Variants in RAB38 observed in about 807,000 individuals in gnomAD.
The protein encoded by RAB38 is ras-related protein Rab-38.
In RAB38, 15 loss-of-function variants were observed where a neutral mutation model predicts 18.4. That is an observed-to-expected ratio of 0.82 (90% CI 0.55 to 1.26). The LOEUF (loss-of-function observed/expected upper bound fraction) is 1.26, where lower values mean the gene tolerates loss of function less well. Among genes scored for constraint, RAB38 ranks in the 50% most tolerant of loss-of-function variants. The probability of loss-of-function intolerance (pLI) is 0.00; values close to 1 mark genes in which losing one functional copy is unlikely to be tolerated. For missense variants in RAB38, 294 were observed against 267.4 expected (o/e 1.10, Z -0.69); for synonymous variants, 101 against 104.4 (o/e 0.97, Z 0.20).
At chr11:87,817,544 C>T in the RAB38 span, 13 of 152,058 alleles carry the variant, frequency 8.5e-5, no homozygotes, top group African/African-American at 3.1e-4. Context: ...ATTGAAGCTG[C>T]CTTATCTGAA....
At chr11:87,805,481 C>G in the RAB38 span, among the ~76,000 whole-genome samples, 1 of 151,866 alleles carries the variant, frequency 6.6e-6, no homozygotes, top group Non-Finnish European at 1.5e-5. Context: ...ATTGAGCTCT[C>G]TCTAGATGTC....
the RAB38 span, among the ~76,000 whole-genome samples, chr11:88,023,112 T>C: frequency 6.6e-6 from 1 of 151,988 alleles, no homozygotes; most frequent in Admixed American, 6.6e-5. Flanking sequence ...GACATAAGCC[T>C]ACCTATGTAA....
At chr11:88,145,862 T>G (rs527644337) in intron 2 of RAB38, among the ~76,000 whole-genome samples, 1 of 152,076 alleles carries the variant, frequency 6.6e-6, no homozygotes, top group Non-Finnish European at 1.5e-5. Context: ...AACCAGGAAT[T>G]TGGGGGGCAA....
chr11:88,099,471 G>A, the RAB38 span, among the ~76,000 whole-genome samples: 5 of 151,750 alleles, frequency 3.3e-5, no homozygotes, highest in Middle Eastern at 3.4e-3. Context: ...ACTTCAAATA[G>A]ATACAAGTGG....
chr11:87,947,809 C>G, the RAB38 span, among the ~76,000 whole-genome samples: 3 of 152,012 alleles, frequency 2.0e-5, no homozygotes, highest in Non-Finnish European at 4.4e-5. Flanking sequence ...GTAGCATAGT[C>G]TGAAGTCAGG....
chr11:87,934,357 T>G, the RAB38 span, among the ~76,000 whole-genome samples: 1 of 152,142 alleles, frequency 6.6e-6, no homozygotes, highest in Non-Finnish European at 1.5e-5. Context: ...ATTATACATT[T>G]TCTAGTAAAA....
chr11:87,921,846 T>C, the RAB38 span, among the ~76,000 whole-genome samples: 12 of 151,878 alleles, frequency 7.9e-5, no homozygotes, highest in Non-Finnish European at 1.6e-4. Context: ...AAGTCCCATT[T>C]TGAAGCAGCA....
the RAB38 span, among the ~76,000 whole-genome samples, chr11:87,877,716 C>A: frequency 1.3e-5 from 2 of 151,536 alleles, no homozygotes; most frequent in African/African-American, 4.8e-5. Flanking sequence ...GCTATTGTTT[C>A]TTTTTCCAGT....
downstream of RAB38, among the ~76,000 whole-genome samples, chr11:88,109,060 G>A (rs1265397298): frequency 1.3e-5 from 2 of 152,058 alleles, no homozygotes; most frequent in South Asian, 2.1e-4. Flanking sequence ...CTCTCTGGCT[G>A]CCCTTAACAT....
chr11:87,877,600 A>G, the RAB38 span, among the ~76,000 whole-genome samples: 1 of 151,284 alleles, frequency 6.6e-6, no homozygotes, highest in Non-Finnish European at 1.5e-5. Flanking sequence ...TTCATATTCA[A>G]CCTCCACCAT....
chr11:87,975,536 T>C, the RAB38 span, among the ~76,000 whole-genome samples: 3 of 151,874 alleles, frequency 2.0e-5, no homozygotes, highest in Non-Finnish European at 4.4e-5. Context: ...CGGGTAATTA[T>C]GCAAGACTAT....
the RAB38 span, among the ~76,000 whole-genome samples, chr11:87,951,929 T>C: frequency 1.3e-5 from 2 of 152,160 alleles, no homozygotes; most frequent in Admixed American, 6.5e-5. Context: ...CAAAGCTCAG[T>C]TGGAAATGCA....
the RAB38 span, among the ~76,000 whole-genome samples, chr11:87,977,005 TATAAA>T: frequency 2.6e-3 from 40 of 15,662 alleles, 9 homozygotes; most frequent in East Asian, 0.011. Context: ...ACAAGTATAT[TATAAA>T]ATATAATTAC....
chr11:87,966,900 C>T, the RAB38 span, among the ~76,000 whole-genome samples: 2 of 152,144 alleles, frequency 1.3e-5, no homozygotes, highest in African/African-American at 2.4e-5. Context: ...AAAAGAGAGG[C>T]TTATAAGAGC....
the RAB38 span, among the ~76,000 whole-genome samples, chr11:88,064,418 A>G: frequency 6.6e-6 from 1 of 152,304 alleles, no homozygotes; most frequent in African/African-American, 2.4e-5. Context: ...GCCTGCTGTT[A>G]CCCATGTGAT....
the RAB38 span, among the ~76,000 whole-genome samples, chr11:87,931,832 G>A: frequency 6.6e-6 from 1 of 151,946 alleles, no homozygotes; most frequent in Non-Finnish European, 1.5e-5. Context: ...AGAACAAAAT[G>A]AGATGAATGT....
chr11:88,045,226 A>G, the RAB38 span, among the ~76,000 whole-genome samples: 1 of 152,154 alleles, frequency 6.6e-6, no homozygotes, highest in African/African-American at 2.4e-5. Flanking sequence ...ACATTAAATA[A>G]AGCTCCAAAA....
the RAB38 span, among the ~76,000 whole-genome samples, chr11:88,009,660 A>G: frequency 6.6e-6 from 1 of 152,234 alleles, no homozygotes; most frequent in Non-Finnish European, 1.5e-5. Flanking sequence ...AAAGGAGATC[A>G]AAATACCAAA....
At chr11:87,823,439 A>AGC in the RAB38 span, among the ~76,000 whole-genome samples, 1 of 152,154 alleles carries the variant, frequency 6.6e-6, no homozygotes, top group South Asian at 2.1e-4. Context: ...ATGAAAATTC[A>AGC]ATGGATGTAG....
Sources: allele counts gnomAD v4.1 joint callset (sites outside exome capture counted in the v4.1 genomes callset), GRCh38; gene constraint gnomAD v4.1.1; transcripts MANE v1.5; gene names NCBI Gene and HGNC (gene_info 2026-07-23, HGNC 2026-07-21).